The following COPE variants were observed in gnomAD, a reference collection of about 807,000 sequenced individuals.
The protein encoded by COPE is coatomer subunit epsilon.
A neutral mutation model predicts 42.1 loss-of-function variants in COPE; 19 were observed. The ratio of observed to expected loss-of-function variants is 0.45; its 90% confidence interval spans 0.31 to 0.66. COPE has a LOEUF of 0.66. Among genes scored for constraint, COPE ranks in the 30% least tolerant of loss-of-function variants. The pLI is 0.05. For missense variants in COPE, 402 were observed against 416.1 expected, an observed-to-expected ratio of 0.97 and a Z score of 0.30; for synonymous variants, 195 against 181.3, an observed-to-expected ratio of 1.08 and a Z score of -0.60.
At chr19:18,900,904 C>T (rs1191773632) in intron 7 of COPE, among the ~76,000 whole-genome samples, 1 of 152,218 alleles carries the variant, frequency 6.6e-6, no homozygotes. Flanking sequence ...CCCTAGGAAA[C>T]ATCTAGGCCA....
intron 6 of COPE, 54 bp downstream of exon 6, chr19:18,904,717 C>T: frequency 1.3e-6 from 2 of 1,493,768 alleles, no homozygotes; most frequent in Middle Eastern, 1.7e-4. Context: ...TGCCCACAGA[C>T]CCTGCTCAGC....
chr19:18,909,362 G>A (rs1399832430), intron 3 of COPE, among the ~76,000 whole-genome samples: 2 of 152,236 alleles, frequency 1.3e-5, no homozygotes, highest in African/African-American at 4.8e-5. Flanking sequence ...AAGTCAAGGT[G>A]GCGGCAGGGC....
In COPE at chr19:18,899,680, CAG is replaced by C. The variant is rs2056676613; in HGVS notation, c.924_925del (p.Ter309ArgfsTer?). 2.5e-6 allele frequency: 4 copies of C among 1,613,530 alleles called. No individual in the cohort carries two copies. Among genetic ancestry groups the C allele is most frequent in the Non-Finnish European group, 3.4e-6 (4 of 1,179,978 alleles). ...GGTCCTGACAGCTCTGGGCCAGCCT[CAG>C]GCGCTGGGAGCGTACTGTAGCACCA... On this transcript the variant is annotated frameshift_variant and stop_lost, in exon 10 of 10. Transcript: ENST00000262812. LOFTEE classifies it high-confidence loss of function.
In COPE at chr19:18,911,039, C is replaced by T; in HGVS notation, c.222G>A (p.Lys74=). 6.2e-7 allele frequency: 1 copy of T among 1,613,990 alleles called. No homozygotes were observed. Among genetic ancestry groups the T allele is most frequent in the Non-Finnish European group, 8.5e-7 (1 of 1,180,000 alleles). The part of the protein sequence containing the change: ...RKFGVVLDEI[K]PSSAPELQAV... ...CCTGGAGCTCAGGGGCCGAGGAGGG[C>T]TTGATCTCATCCAGGACCACACCGA... Residue 74 remains lysine, a synonymous_variant, in exon 3 of 10, where the codon AAG becomes AAA. Transcript: ENST00000262812.
intron 1 of COPE, among the ~76,000 whole-genome samples, chr19:18,914,497 C>T (rs910436731): frequency 6.6e-5 from 10 of 151,824 alleles, no homozygotes; most frequent in East Asian, 3.9e-4. Context: ...GCCGAGATCA[C>T]GCCATTGCAC....
At chr19:18,912,208 G>A (rs952629078) in intron 2 of COPE, among the ~76,000 whole-genome samples, 5 of 152,032 alleles carry the variant, frequency 3.3e-5, no homozygotes, top group East Asian at 1.9e-4. Context: ...GTGCAATGGC[G>A]TGATCACGGC....
Position 18,906,948 on chromosome 19 carries a change from G to C in COPE, c.443+12C>G, listed in dbSNP as rs1373968505. On this transcript the variant is annotated intron_variant, in intron 4 of 9. Coordinates refer to ENST00000262812, the MANE Select transcript of COPE (RefSeq NM_007263.4). ...CTCCCTGGGCTGGCCCCAGAGCAGG[G>C]AGGCCACTCACCACTCCAGGCTGTC... 6.4e-7 allele frequency: 1 copy of C among 1,551,334 alleles called. No individual in the cohort carries two copies. The highest frequency in any genetic ancestry group is 2.0e-5 in the Admixed American group (1 of 51,150).
intron 1 of COPE, among the ~76,000 whole-genome samples, chr19:18,915,406 C>T (rs2056846016): frequency 6.6e-6 from 1 of 152,218 alleles, no homozygotes. Flanking sequence ...GGAAGCATAA[C>T]AACAACAAAT....
In COPE at chr19:18,902,730, A is replaced by AAAGGAAGGAAGGAAGG. The variant is rs1568314615; in HGVS notation, c.735+537_735+538insCCTTCCTTCCTTCCTT. ...GGAAAGGAAGGAAAGGAAAGGAAGG[A>AAAGGAAGGAAGGAAGG]AAGGAAGGAAAGGAAGGAAAGGAAG... On this transcript the variant is annotated intron_variant, in intron 7 of 9. Transcript: ENST00000262812. Among the ~76,000 whole-genome samples, 21 of 62,352 alleles carry AAAGGAAGGAAGGAAGG rather than the reference A, an allele frequency of 3.4e-4. 2 individuals carry two copies. Among genetic ancestry groups the AAAGGAAGGAAGGAAGG allele is most frequent in the African/African-American group, 2.2e-3 (17 of 7,692 alleles). The allele number at this position is 62,352 out of a possible 152,430, so 40.9% of individuals were successfully genotyped here. A position where few individuals can be genotyped will look rare whatever the true frequency, so the allele number is the denominator to read the frequency against.
chr19:18,901,496 G>A (rs147597419), intron 7 of COPE, among the ~76,000 whole-genome samples: 30 of 152,338 alleles, frequency 2.0e-4, no homozygotes, highest in African/African-American at 7.0e-4. Context: ...CTGCTCAGGA[G>A]GAGCAGTACC....
intron 5 of COPE, 72 bp downstream of exon 5, chr19:18,905,504 G>T: frequency 7.4e-7 from 1 of 1,351,620 alleles, no homozygotes; most frequent in Non-Finnish European, 1.0e-6. Context: ...AGACGCTCTG[G>T]GCTGTGACGC....
At chr19:18,904,414 G>A (rs973629865) in intron 6 of COPE, among the ~76,000 whole-genome samples, 6 of 152,204 alleles carry the variant, frequency 3.9e-5, no homozygotes, top group East Asian at 1.9e-4. Context: ...ACTGAACTCC[G>A]TCCCTGGCTG....
intron 3 of COPE, among the ~76,000 whole-genome samples, chr19:18,908,465 C>G (rs935627134): frequency 6.6e-6 from 1 of 151,618 alleles, no homozygotes; most frequent in African/African-American, 2.4e-5. Flanking sequence ...CTGGGCGGAT[C>G]GCTTGAGCCC....
In COPE at chr19:18,907,438, A is replaced by G. The variant is rs10424595; in HGVS notation, c.291-326T>C. On this transcript the variant is annotated intron_variant, in intron 3 of 9. Coordinates refer to ENST00000262812, the MANE Select transcript of COPE (RefSeq NM_007263.4). ...GTGGGCCCAGCTGGGACTCCTGACC[A>G]TAACCCATCAACCCTGTGGGCTTCA... Among the ~76,000 whole-genome samples the G allele has an allele frequency of 2.1e-3, 321 of 152,304 alleles. 2 individuals are homozygous for G. The highest frequency in any genetic ancestry group is 7.4e-3 in the African/African-American group (306 of 41,568).
intron 7 of COPE, among the ~76,000 whole-genome samples, chr19:18,901,788 C>T (rs1002704399): frequency 6.6e-6 from 1 of 152,174 alleles, no homozygotes; most frequent in African/African-American, 2.4e-5. Flanking sequence ...AAAAATTAGC[C>T]ACGCATGGTG....
In COPE at chr19:18,900,411, G is replaced by C. The variant is rs1568313093; in HGVS notation, c.774C>G (p.Val258=). The C allele has an allele frequency of 1.3e-6, 2 of 1,549,526 alleles. No homozygotes were observed. Among genetic ancestry groups the C allele is most frequent in the Non-Finnish European group, 1.7e-6 (2 of 1,146,194 alleles). The change falls in exon 8 of 10, where the codon GTC becomes GTG. Residue 258 remains valine, a synonymous_variant. Transcript: ENST00000262812. ...GYPETLVNLI[V]LSQHLGKPPE... is the part of the protein sequence containing the mutation. ...GGGGCTTGCCCAGGTGCTGGGACAG[G>C]ACGATGAGGTTGACCAGCGTCTCTG...
chr19:18,900,223 A>G (rs1467937435), intron 8 of COPE, among the ~76,000 whole-genome samples, 158 bp downstream of exon 8: 1 of 151,174 alleles, frequency 6.6e-6, no homozygotes, highest in East Asian at 1.9e-4. Flanking sequence ...CCAGGTGAGG[A>G]TGGGTTGGGG....
intron 4 of COPE, chr19:18,906,743 G>C: frequency 1.9e-6 from 1 of 527,462 alleles, no homozygotes; most frequent in Non-Finnish European, 3.3e-6. Context: ...GTTGCAGCCT[G>C]GGCACCGTGT....
In COPE at chr19:18,900,419, G is replaced by C; in HGVS notation, c.766C>G (p.Leu256Val). The stretch of plus-strand genomic sequence containing the variant: ...CCCAGGTGCTGGGACAGGACGATGA[G>C]GTTGACCAGCGTCTCTGGGTAGCCA... ...DSGYPETLVN[L>V]IVLSQHLGKP... Residue 256 changes from leucine (L) to valine (V), a missense_variant, in exon 8 of 10, where the codon CTC (leucine) becomes GTC (valine). Leu to Val is a conservative substitution (Grantham distance 32, BLOSUM62 1). Transcript: ENST00000262812. The C allele has an allele frequency of 6.5e-7, 1 of 1,549,328 alleles. No homozygotes were observed. The highest frequency in any genetic ancestry group is 8.7e-7 in the Non-Finnish European group (1 of 1,146,114).
Sources: allele counts gnomAD v4.1 joint callset (sites outside exome capture counted in the v4.1 genomes callset), GRCh38; gene constraint gnomAD v4.1.1; transcripts MANE v1.5; gene names NCBI Gene and HGNC (gene_info 2026-07-23, HGNC 2026-07-21).